The following COL12A1 variants were observed in gnomAD, a reference collection of about 807,000 sequenced individuals.
The protein encoded by COL12A1 is collagen type XII alpha 1 chain, also known as collagen alpha-1(XII) chain.
COL12A1 carries 114 observed loss-of-function variants against 349.7 expected under a neutral mutation model. The ratio of observed to expected loss-of-function variants is 0.33; its 90% CI spans 0.28 to 0.38. The LOEUF (loss-of-function observed/expected upper bound fraction) is 0.38. Ranked by LOEUF, COL12A1 falls within the 10% of genes least tolerant of loss-of-function variation. The probability of loss-of-function intolerance (pLI) is 1.00; values close to 1 mark genes in which losing one functional copy is unlikely to be tolerated. For missense variants in COL12A1, 3,284 were observed against 3,756.9 expected, an observed-to-expected ratio of 0.87 and a Z score of 3.29; for synonymous variants, 1,369 against 1,329.0, an observed-to-expected ratio of 1.03 and a Z score of -0.66.
At chr6:75,126,307 T>A in intron 39 of COL12A1, 44 bp downstream of exon 39, 1 of 1,584,628 alleles carries the variant, frequency 6.3e-7, no homozygotes, top group African/African-American at 1.3e-5. Context: ...CATATGCAAA[T>A]AACCCTCCAA....
At chr6:75,144,261 C>A (rs117134603) in intron 25 of COL12A1, among the ~76,000 whole-genome samples, 40 of 152,288 alleles carry the variant, frequency 2.6e-4, no homozygotes, top group Admixed American at 1.2e-3. Context: ...GAGTCTCTAT[C>A]CCTGGCTGAC....
chr6:75,194,292 G>A (rs1770105542), intron 3 of COL12A1, among the ~76,000 whole-genome samples: 1 of 152,126 alleles, frequency 6.6e-6, no homozygotes, highest in Non-Finnish European at 1.5e-5. Context: ...GATAATGCCT[G>A]AGAACAAGCA....
At chr6:75,141,930 TG>T in intron 27 of COL12A1, 101 bp downstream of exon 27, 1 of 1,414,106 alleles carries the variant, frequency 7.1e-7, no homozygotes, top group Non-Finnish European at 9.7e-7. Context: ...TATTAAACAC[TG>T]GCAAAGGTAG....
In COL12A1 at chr6:75,086,438, T is replaced by G; in HGVS notation, c.*109A>C. ...CCGGTTCGTTAACCATTATCTGTGG[T>G]GAGATTTCCATACAGACTCATTTCC... On this transcript the variant is annotated 3_prime_UTR_variant, in exon 66 of 66. Transcript: ENST00000322507. 5.0e-6 allele frequency: 5 copies of G among 1,008,954 alleles called. No individual in the cohort carries two copies. Among genetic ancestry groups the G allele is most frequent in the Non-Finnish European group, 7.3e-6 (5 of 682,328 alleles). The allele number at this position is 1,008,954 out of a possible 1,614,324, so 62.5% of individuals were successfully genotyped here.
chr6:75,187,704 T>C lies in COL12A1; in HGVS notation c.997+658A>G, dbSNP rs1378047321. Among the ~76,000 whole-genome samples, 4 of 152,126 alleles carry C rather than the reference T, an allele frequency of 2.6e-5. No homozygotes were observed. In the East Asian group the frequency reaches 5.8e-4, roughly 22 times the overall value. On this transcript the variant is annotated intron_variant, in intron 8 of 65. Coordinates refer to ENST00000322507, the MANE Select transcript of COL12A1 (RefSeq NM_004370.6). Reference sequence around the variant, plus strand: ...GTCACTATTTAGAATTTATGTTTAATCACTTATCGATTCTCAAGCTGAGAG... The same window carrying C: ...GTCACTATTTAGAATTTATGTTTAACCACTTATCGATTCTCAAGCTGAGAG...
intron 11 of COL12A1, among the ~76,000 whole-genome samples, chr6:75,179,063 T>C (rs529978484): frequency 3.3e-5 from 5 of 152,306 alleles, no homozygotes; most frequent in African/African-American, 1.2e-4. Context: ...ATAGGATTAT[T>C]TAAGTGGTTA....
At chr6:75,122,650 G>T (rs967623880) in intron 43 of COL12A1, among the ~76,000 whole-genome samples, 1 of 152,062 alleles carries the variant, frequency 6.6e-6, no homozygotes, top group Non-Finnish European at 1.5e-5. Flanking sequence ...TATATAATAG[G>T]TTTAACGAAG....
Position 75,192,281 on chromosome 6 carries a change from C to T in COL12A1, c.265G>A (p.Glu89Lys), listed in dbSNP as rs577043583. ...TATGAAGTTATTGTCACCACATACT[C>T]TGTTTCAGGTACAAGTTCTGACAAT... is the stretch of plus-strand genomic sequence containing the variant. ...TLLSELVPET[E>K]YVVTITSYDE... The change falls in exon 4 of 66, where the codon GAG becomes AAG. Residue 89 changes from glutamate to lysine, a missense_variant. By Grantham distance (56) the Glu-to-Lys change is moderately conservative. Transcript: ENST00000322507. 9.9e-6 allele frequency: 16 copies of T among 1,611,488 alleles called. No individual in the cohort carries two copies. In the Admixed American group the frequency reaches 2.3e-4, roughly 24 times the overall value.
intron 28 of COL12A1, 68 bp from the exon 29 acceptor site, chr6:75,138,648 T>C: frequency 6.3e-7 from 1 of 1,591,302 alleles, no homozygotes. Context: ...ACACACTCAA[T>C]GGCAGTTTAT....
At chr6:75,126,301 T>G (rs762608618) in intron 39 of COL12A1, 50 bp downstream of exon 39, 1 of 1,576,034 alleles carries the variant, frequency 6.3e-7, no homozygotes, top group Non-Finnish European at 8.7e-7. Flanking sequence ...TACCCTCATA[T>G]GCAAATAACC....
Position 75,145,337 on chromosome 6 carries a change from C to T in COL12A1, c.4679G>A (p.Arg1560Gln), listed in dbSNP as rs760786950. ...AAGCAGTAGCTTACAGGTGACTTCC[C>T]GAACAGTGACAGGTTCACTAGTGAG... is the stretch of plus-strand genomic sequence containing the variant. ...HDLTSEPVTVREVTLPLPRPQ... is the reference protein window; with the variant it reads ...HDLTSEPVTVQEVTLPLPRPQ... Residue 1560 changes from arginine (R) to glutamine (Q), a missense_variant, in exon 25 of 66, where the codon CGG becomes CAG. By Grantham distance (43) the Arg-to-Gln change is conservative. This residue lies in a region of COL12A1 where 2,601 missense variants were observed against 2,824.8 expected (regional missense o/e 0.92). Transcript: ENST00000322507. The T allele has an allele frequency of 1.8e-5, 29 of 1,608,376 alleles. No individual in the cohort carries two copies. The African/African-American group carries it at 2.7e-4, about 15-fold the overall frequency.
rs532110824 is a variant in COL12A1, at chr6:75,172,137, G to A, written c.2710+2901C>T. Among the ~76,000 whole-genome samples, 77 of 152,264 alleles carry A rather than the reference G, an allele frequency of 5.1e-4. 1 individual carries two copies. In the South Asian group the frequency reaches 0.012, roughly 24 times the overall value. On this transcript the variant is annotated intron_variant, in intron 13 of 65. Coordinates refer to ENST00000322507, the MANE Select transcript of COL12A1 (RefSeq NM_004370.6). ...ATTGTTTCTTATCAAAGACACGTGC[G>A]TGTGTGTATACTCACACATGCGTAC...
At chr6:75,099,785 GC>G (rs1768219633) in intron 58 of COL12A1, among the ~76,000 whole-genome samples, 1 of 152,096 alleles carries the variant, frequency 6.6e-6, no homozygotes, top group African/African-American at 2.4e-5. Context: ...CCAGCACTGT[GC>G]CTCATTTCAA....
Position 75,155,755 on chromosome 6 carries a change from T to C in COL12A1, c.3350A>G (p.Tyr1117Cys), listed in dbSNP as rs1582145759. 1 of 1,613,754 alleles carries C rather than the reference T, an allele frequency of 6.2e-7. No individual in the cohort carries two copies. The highest frequency in any genetic ancestry group is 8.5e-7 in the Non-Finnish European group (1 of 1,179,744). ...CCCCGTAGGGTGGAATGTGACTTTA[T>C]AACCCTTCACTTCCCCAGGGGCAGG... ...WEPAPGEVKG[Y>C]KVTFHPTGDD... Residue 1117 changes from tyrosine to cysteine, a missense_variant, in exon 16 of 66, where the codon TAT (tyrosine) becomes TGT (cysteine). Tyr to Cys is a radical substitution (Grantham distance 194). This residue lies in a region of COL12A1 where 2,601 missense variants were observed against 2,824.8 expected (regional missense o/e 0.92). Transcript: ENST00000322507.
chr6:75,110,767 C>G (rs1277295374), intron 51 of COL12A1, among the ~76,000 whole-genome samples: 1 of 152,032 alleles, frequency 6.6e-6, no homozygotes, highest in South Asian at 2.1e-4. Flanking sequence ...TTCCCTCTCC[C>G]TGTCACTAAT....
chr6:75,165,725 C>T lies in COL12A1; in HGVS notation c.2765G>A (p.Gly922Glu). ...VTKDITDTSI[G>E]AYWTSAPGMV... is the part of the protein sequence containing the mutation. Reference sequence around the variant, plus strand: ...TCCTGGAGCAGATGTCCAATAAGCCCCAATTGATGTGTCAGTGATGTCTTT... The same window carrying T: ...TCCTGGAGCAGATGTCCAATAAGCCTCAATTGATGTGTCAGTGATGTCTTT... Residue 922 changes from glycine (G) to glutamate (E), a missense_variant, in exon 14 of 66, where the codon GGG (glycine) becomes GAG (glutamate). Physicochemically the swap from Gly to Glu is moderately conservative, Grantham distance 98 (BLOSUM62 -2). Coordinates refer to ENST00000322507, the MANE Select transcript of COL12A1 (RefSeq NM_004370.6). 1.9e-6 allele frequency: 3 copies of T among 1,613,884 alleles called. No homozygotes were observed. Among genetic ancestry groups the T allele is most frequent in the African/African-American group, 1.3e-5 (1 of 74,986 alleles).
rs1443629848 is a variant in COL12A1 at position 75,085,168 on chromosome 6, G to A, written c.*1379C>T. 4.4e-6 allele frequency: 2 copies of A among 457,630 alleles called. No individual in the cohort carries two copies. Among genetic ancestry groups the A allele is most frequent in the African/African-American group, 4.0e-5 (2 of 49,792 alleles). 28.3% of individuals were successfully genotyped at this position (457,630 alleles called of 1,614,324 possible). A position where few individuals can be genotyped will look rare whatever the true frequency, so the allele number is the denominator to read the frequency against. ...TTTCAACACCTCCCCCAAGCCTCGC[G>A]GCGCGGCGCGTGATCTCTGGTTCAC... On this transcript the variant is annotated 3_prime_UTR_variant, in exon 66 of 66. Transcript: ENST00000322507.
In COL12A1 at chr6:75,085,956, G is replaced by C. The variant is rs1355826826; in HGVS notation, c.*591C>G. On this transcript the variant is annotated 3_prime_UTR_variant, in exon 66 of 66. Transcript: ENST00000322507. The stretch of plus-strand genomic sequence containing the variant: ...AATTGCAGTTACAAAACCCAAATGA[G>C]AGGACACGGACAAAAAAGTAACAAA... 6.5e-6 allele frequency: 1 copy of C among 153,418 alleles called. No homozygotes were observed. Among genetic ancestry groups the C allele is most frequent in the Non-Finnish European group, 1.5e-5 (1 of 68,618 alleles). The allele number at this position is 153,418 out of a possible 1,614,324, so 9.5% of individuals were successfully genotyped here.
In COL12A1 at chr6:75,087,779, C is replaced by T. The variant is rs772326311; in HGVS notation, c.9011-32G>A. The T allele has an allele frequency of 1.9e-6, 3 of 1,597,432 alleles. 1 individual carries two copies. Among genetic ancestry groups the T allele is most frequent in the Admixed American group, 3.6e-5 (2 of 55,036 alleles). On this transcript the variant is annotated intron_variant, in intron 64 of 65. Coordinates refer to ENST00000322507, the MANE Select transcript of COL12A1 (RefSeq NM_004370.6). The stretch of plus-strand genomic sequence containing the variant: ...TGGAGTTAAAACAAATATATTTCCC[C>T]TCTTGTCAAATACAACTCCTGAGGT...
Sources: gnomAD v4.1 joint callset for allele counts (sites outside exome capture counted in the v4.1 genomes callset) on GRCh38, gnomAD v4.1.1 for gene constraint, gnomAD v4.1.1 regional missense constraint, MANE v1.5 for transcripts, NCBI Gene and HGNC (gene_info 2026-07-23, HGNC 2026-07-21) for gene names.